LAMC3: variants seen among roughly 807,000 people sequenced by gnomAD.
LAMC3 encodes the protein laminin subunit gamma-3.
A neutral mutation model predicts 173.8 loss-of-function variants in LAMC3; 128 were observed. The ratio of observed to expected loss-of-function variants is 0.74; its 90% confidence interval spans 0.64 to 0.85. LAMC3 has a LOEUF of 0.85. Among genes scored for constraint, LAMC3 ranks in the 40% least tolerant of loss-of-function variants. The pLI, the probability that LAMC3 is intolerant of heterozygous loss-of-function variation, is 0.00. For missense variants in LAMC3, 2,022 were observed against 2,156.0 expected (o/e 0.94, Z 1.23); for synonymous variants, 897 against 909.1 (o/e 0.99, Z 0.24).
chr9:131,065,376 G>A (rs1374429439), intron 13 of LAMC3, among the ~76,000 whole-genome samples: 2 of 152,272 alleles, frequency 1.3e-5, no homozygotes, highest in East Asian at 3.9e-4. Flanking sequence ...CAGGACAGGA[G>A]TCTGCAATGC....
chr9:131,046,180 CTTTTTTTTTT>C (rs61108655), intron 8 of LAMC3, among the ~76,000 whole-genome samples: 269 of 76,560 alleles, frequency 3.5e-3, no homozygotes, highest in African/African-American at 0.015. Context: ...AGTTTTGCTC[CTTTTTTTTTT>C]TTTTTTTTTT....
intron 2 of LAMC3, among the ~76,000 whole-genome samples, chr9:131,028,571 T>G (rs978270512): frequency 6.6e-6 from 1 of 152,174 alleles, no homozygotes; most frequent in Non-Finnish European, 1.5e-5. Flanking sequence ...TTGGGTTTAG[T>G]GGTTCGCTAT....
intron 20 of LAMC3, among the ~76,000 whole-genome samples, chr9:131,074,552 C>G (rs1830090205): frequency 6.6e-6 from 1 of 150,658 alleles, no homozygotes; most frequent in Non-Finnish European, 1.5e-5. Context: ...ATAAATTAGC[C>G]AGGCATGGTG....
In LAMC3 at chr9:131,085,607, G is replaced by A. The variant is rs1251247567; in HGVS notation, c.4114G>A (p.Asp1372Asn). The change falls in exon 25 of 28, where the codon GAC becomes AAC. Residue 1372 changes from aspartate to asparagine, a missense_variant. Transcript: ENST00000361069. ...ADSVSDRLLA[D>N]TRKKTKQAER... ...CTCCGTCAGTGACAGACTCCTTGCAGACACGAGAAAGAAGACCAAGCAGGC... is the reference window on the plus strand; with the variant it reads ...CTCCGTCAGTGACAGACTCCTTGCAAACACGAGAAAGAAGACCAAGCAGGC... 6.8e-6 allele frequency: 11 copies of A among 1,614,158 alleles called. No individual in the cohort carries two copies. The highest frequency in any genetic ancestry group is 9.3e-6 in the Non-Finnish European group (11 of 1,180,044).
chr9:131,025,787 G>T (rs1833704245), intron 1 of LAMC3, among the ~76,000 whole-genome samples: 1 of 152,152 alleles, frequency 6.6e-6, no homozygotes, highest in Non-Finnish European at 1.5e-5. Context: ...CCTGTCTTGG[G>T]AAATTTGGAA....
chr9:131,024,386 T>G lies in LAMC3; in HGVS notation c.374-1899T>G, dbSNP rs998301409. On this transcript the variant is annotated intron_variant, in intron 1 of 27. Transcript: ENST00000361069. ...GTCTCGAACTCCTGACCTCAGGTGA[T>G]CCACCCGCTTCGGCCTCCCAAAGTG... Among the ~76,000 whole-genome samples the G allele has an allele frequency of 1.3e-5, 2 of 152,136 alleles. 1 individual carries two copies. Among genetic ancestry groups the G allele is most frequent in the Middle Eastern group, 6.3e-3 (2 of 316 alleles).
chr9:131,054,456 A>G (rs1834359211), intron 11 of LAMC3, among the ~76,000 whole-genome samples: 1 of 152,180 alleles, frequency 6.6e-6, no homozygotes, highest in Non-Finnish European at 1.5e-5. Context: ...TTAAAAACAT[A>G]GAAATGTGAT....
At chr9:131,084,734 T>TAAAAA (rs373243323) in intron 24 of LAMC3, among the ~76,000 whole-genome samples, 1 of 143,520 alleles carries the variant, frequency 7.0e-6, no homozygotes, top group Non-Finnish European at 1.5e-5. Context: ...CCATCTCTAC[T>TAAAAA]AAAAAAAAAA....
intron 1 of LAMC3, among the ~76,000 whole-genome samples, chr9:131,018,601 C>T (rs1251120579): frequency 6.6e-6 from 1 of 152,116 alleles, no homozygotes; most frequent in African/African-American, 2.4e-5. Flanking sequence ...GGTGACACTG[C>T]TTGGGAGTAC....
chr9:131,015,292 T>C (rs1001352205), intron 1 of LAMC3, among the ~76,000 whole-genome samples: 30 of 152,080 alleles, frequency 2.0e-4, no homozygotes, highest in Non-Finnish European at 3.1e-4. Context: ...GTGCCTCCCG[T>C]ACTCCTAAGC....
At chr9:131,041,586 A>G in intron 6 of LAMC3, 51 bp from the exon 7 acceptor site, 1 of 1,530,962 alleles carries the variant, frequency 6.5e-7, no homozygotes, top group Non-Finnish European at 9.0e-7. Context: ...GGCTGTTGCC[A>G]TTCTGAATTT....
At chr9:131,076,515 G>A (rs1314921372) in intron 21 of LAMC3, among the ~76,000 whole-genome samples, 1 of 152,206 alleles carries the variant, frequency 6.6e-6, no homozygotes, top group African/African-American at 2.4e-5. Context: ...CCCTGAGCCA[G>A]TCACCATGGC....
Position 131,073,269 on chromosome 9 carries a change from C to T in LAMC3, c.3442C>T (p.Gln1148Ter), listed in dbSNP as rs1830067154. The T allele has an allele frequency of 6.2e-7, 1 of 1,613,668 alleles. No individual in the cohort carries two copies. Among genetic ancestry groups the T allele is most frequent in the Non-Finnish European group, 8.5e-7 (1 of 1,179,954 alleles). Residue 1148 changes from glutamine (Q) to a stop codon, truncating the protein, a stop_gained, in exon 20 of 28, where the codon CAG becomes TAG. Coordinates refer to ENST00000361069, the MANE Select transcript of LAMC3 (RefSeq NM_006059.4). LOFTEE classifies it high-confidence loss of function. ...SLEIPQEGPS[Q>*]PTKWSHLATE... ...GGAGATTCCTCAGGAAGGTCCCAGT[C>T]AGCCGACCAAATGGAGCCACCTGGC...
rs555218286 is a variant in LAMC3 at position 131,029,004 on chromosome 9, G to A, written c.678+2415G>A. Among the ~76,000 whole-genome samples the A allele has an allele frequency of 5.9e-5, 9 of 152,082 alleles. No individual in the cohort carries two copies. The highest frequency in any genetic ancestry group is 4.2e-4 in the South Asian group (2 of 4,810). The stretch of plus-strand genomic sequence containing the variant: ...TACTGGAGGCTGGCAGTGTAGACAC[G>A]GCTGACCACCTGTGTGGCTGACCTG... On this transcript the variant is annotated intron_variant, in intron 2 of 27. Transcript: ENST00000361069. This position sits in a 1 kb window ranked among gnomAD's most constrained non-coding sequence, Gnocchi z 4.6.
rs753339155 is a variant in LAMC3, at chr9:131,085,729, G to C, written c.4230+6G>C. On this transcript the variant is annotated splice_donor_region_variant and intron_variant, in intron 25 of 27. Coordinates refer to ENST00000361069, the MANE Select transcript of LAMC3 (RefSeq NM_006059.4). ...TGGCCAAGGACAGTGCCAAGGTCAGGGTGGTGGCTGTGACAACAGTGGCCT... is the reference window on the plus strand; with the variant it reads ...TGGCCAAGGACAGTGCCAAGGTCAGCGTGGTGGCTGTGACAACAGTGGCCT... 4 of 1,614,072 alleles carry C rather than the reference G, an allele frequency of 2.5e-6. No homozygotes were observed. Among genetic ancestry groups the C allele is most frequent in the Non-Finnish European group, 3.4e-6 (4 of 1,179,968 alleles).
intron 8 of LAMC3, among the ~76,000 whole-genome samples, chr9:131,047,956 C>T (rs1163318077): frequency 2.7e-5 from 4 of 150,588 alleles, no homozygotes; most frequent in Admixed American, 1.3e-4. Flanking sequence ...CCATGTTGAC[C>T]AGGATGGTCT....
chr9:131,045,689 C>T lies in LAMC3; in HGVS notation c.1519+29C>T, dbSNP rs771519665. The T allele has an allele frequency of 6.2e-6, 10 of 1,612,922 alleles. No homozygotes were observed. In the East Asian group the frequency reaches 2.0e-4, roughly 32 times the overall value. ...AGAGATGCTCCCTGCAAACGCCTCC[C>T]AAGGGTCTGCTCCCAGCCTAGGCAG... On this transcript the variant is annotated intron_variant, in intron 8 of 27. Coordinates refer to ENST00000361069, the MANE Select transcript of LAMC3 (RefSeq NM_006059.4).
In LAMC3 at chr9:131,057,160, G is replaced by A; in HGVS notation, c.2158+13G>A. 1 of 1,610,990 alleles carries A rather than the reference G, an allele frequency of 6.2e-7. No individual in the cohort carries two copies. The highest frequency in any genetic ancestry group is 8.5e-7 in the Non-Finnish European group (1 of 1,177,474). On this transcript the variant is annotated intron_variant, in intron 12 of 27. Transcript: ENST00000361069. Reference sequence around the variant, plus strand: ...GACCCCAACACAGGTGAGTCTCCTGGCACCCCATCCGAAGGCACCTGGGTT... The same window carrying A: ...GACCCCAACACAGGTGAGTCTCCTGACACCCCATCCGAAGGCACCTGGGTT...
rs1314516256 is a variant in LAMC3, at chr9:131,092,381, A to G, written c.*594A>G. 1.3e-5 allele frequency: 2 copies of G among 156,044 alleles called. No homozygotes were observed. The highest frequency in any genetic ancestry group is 2.8e-5 in the Non-Finnish European group (2 of 70,288). 9.7% of individuals were successfully genotyped at this position (156,044 alleles called of 1,614,324 possible). A position where few individuals can be genotyped will look rare whatever the true frequency, so the allele number is the denominator to read the frequency against. On this transcript the variant is annotated 3_prime_UTR_variant, in exon 28 of 28. Coordinates refer to ENST00000361069, the MANE Select transcript of LAMC3 (RefSeq NM_006059.4). The stretch of plus-strand genomic sequence containing the variant: ...ACCTGTGTTGCTGCGTGCACTCCCT[A>G]CAGCTCGACACAGCCAGGGGACCAA...
Sources: allele counts gnomAD v4.1 joint callset (sites outside exome capture counted in the v4.1 genomes callset), GRCh38; gene constraint gnomAD v4.1.1; non-coding constraint Gnocchi (gnomAD v3.1); transcripts MANE v1.5; gene names NCBI Gene and HGNC (gene_info 2026-07-23, HGNC 2026-07-21).